RABEPK: variants seen among roughly 807,000 people sequenced by gnomAD.
The protein encoded by RABEPK is Rab9 effector protein with kelch motifs.
Under a neutral mutation model 34.1 loss-of-function variants are expected in RABEPK, and 27 were observed. The observed-to-expected ratio is 0.79, with a 90% CI of 0.58 to 1.09. RABEPK has a LOEUF of 1.09. RABEPK is among the 50% of genes least tolerant of loss of function. The pLI is 0.00. For synonymous variants in RABEPK, 172 were observed against 169.2 expected (o/e 1.02, Z -0.13); for missense variants, 449 against 462.6 (o/e 0.97, Z 0.27).
chr9:125,226,133 G>A (rs1268766645), intron 5 of RABEPK, among the ~76,000 whole-genome samples: 1 of 146,184 alleles, frequency 6.8e-6, no homozygotes, highest in East Asian at 2.0e-4. Context: ...CTGGGTAAGA[G>A]AGTAAGACTT....
chr9:125,219,477 C>T (rs777247502), intron 4 of RABEPK, among the ~76,000 whole-genome samples: 3 of 152,026 alleles, frequency 2.0e-5, no homozygotes, highest in Non-Finnish European at 4.4e-5. Flanking sequence ...TCACTGCATC[C>T]TCCGCCTCCT....
At chr9:125,207,045 C>T (rs1379720414) in intron 2 of RABEPK, among the ~76,000 whole-genome samples, 5 of 150,806 alleles carry the variant, frequency 3.3e-5, no homozygotes, top group African/African-American at 9.8e-5. Flanking sequence ...GCCGAGATCA[C>T]GCCATTGCAC....
intron 6 of RABEPK, among the ~76,000 whole-genome samples, chr9:125,230,963 A>AGGATTT (rs1832130107): frequency 6.6e-6 from 1 of 152,054 alleles, no homozygotes; most frequent in African/African-American, 2.4e-5. Context: ...CTGCCTACCC[A>AGGATTT]AGTAGTTCTC....
intron 4 of RABEPK, among the ~76,000 whole-genome samples, chr9:125,216,790 G>T (rs1424647388): frequency 6.6e-6 from 1 of 151,948 alleles, no homozygotes; most frequent in African/African-American, 2.4e-5. Flanking sequence ...CTGAAAGCCC[G>T]TCTCTACTAA....
At chr9:125,219,913 C>T (rs1172868618) in intron 4 of RABEPK, among the ~76,000 whole-genome samples, 1 of 152,066 alleles carries the variant, frequency 6.6e-6, no homozygotes, top group Admixed American at 6.6e-5. Flanking sequence ...TGAATGTTAG[C>T]AGATGTTAGG....
rs1472636847 is a variant in RABEPK at position 125,202,773 on chromosome 9, T to C, written c.-6-235T>C. The stretch of plus-strand genomic sequence containing the variant: ...TGAACCTGGGAGGCAGAGGTTGCCA[T>C]GAGCTGAGATCTTGCCATTGCACTC... On this transcript the variant is annotated intron_variant, in intron 1 of 7. Coordinates refer to ENST00000373538, the MANE Select transcript of RABEPK (RefSeq NM_005833.4). 4.6e-5 allele frequency among the ~76,000 whole-genome samples: 7 copies of C among 152,226 alleles called. No homozygotes were observed. In the East Asian group the frequency reaches 1.4e-3, roughly 29 times the overall value.
At chr9:125,209,500 C>T (rs1251770516) in intron 3 of RABEPK, among the ~76,000 whole-genome samples, 1 of 152,168 alleles carries the variant, frequency 6.6e-6, no homozygotes, top group African/African-American at 2.4e-5. Context: ...CAGGCGCGTG[C>T]CACCAGCCTG....
chr9:125,224,721 T>A (rs1831614354), intron 5 of RABEPK, among the ~76,000 whole-genome samples: 1 of 152,178 alleles, frequency 6.6e-6, no homozygotes, highest in Non-Finnish European at 1.5e-5. Flanking sequence ...CCCAAAGTGC[T>A]GGGATTACAG....
rs746870481 is a variant in RABEPK at position 125,220,578 on chromosome 9, C to A, written c.404C>A (p.Pro135Gln). The A allele has an allele frequency of 1.9e-6, 3 of 1,614,118 alleles. No homozygotes were observed. Among genetic ancestry groups the A allele is most frequent in the African/African-American group, 1.3e-5 (1 of 75,040 alleles). The change falls in exon 5 of 8, where the codon CCA (proline) becomes CAA (glutamine). Residue 135 changes from proline (P) to glutamine (Q), a missense_variant. Pro to Gln is a moderately conservative substitution (Grantham distance 76, BLOSUM62 -1). Transcript: ENST00000373538. ...ACCACGCCAGAAGTGACCAGCCCCC[C>A]ACCATCCCCAAGAACATTCCACACA... is the stretch of plus-strand genomic sequence containing the variant. ...TWTTPEVTSPPPSPRTFHTSS... is the reference protein window; with the variant it reads ...TWTTPEVTSPQPSPRTFHTSS...
chr9:125,213,540 A>G lies in RABEPK; in HGVS notation c.364+18A>G. On this transcript the variant is annotated intron_variant, in intron 4 of 7. Transcript: ENST00000373538. Reference sequence around the variant, plus strand: ...GAATCCTGGTAAGTAGCCAAAGGTTATTTTATTTACGTACATACAAATAAA... The same window carrying G: ...GAATCCTGGTAAGTAGCCAAAGGTTGTTTTATTTACGTACATACAAATAAA... 1 of 1,608,292 alleles carries G rather than the reference A, an allele frequency of 6.2e-7. No homozygotes were observed. The highest frequency in any genetic ancestry group is 8.5e-7 in the Non-Finnish European group (1 of 1,176,260).
At chr9:125,215,669 C>T (rs1830888755) in intron 4 of RABEPK, among the ~76,000 whole-genome samples, 1 of 152,012 alleles carries the variant, frequency 6.6e-6, no homozygotes, top group South Asian at 2.1e-4. Context: ...TCCATAATAT[C>T]ATAACTTCTC....
At chr9:125,231,770 C>T (rs986638812) in intron 6 of RABEPK, among the ~76,000 whole-genome samples, 3 of 147,198 alleles carry the variant, frequency 2.0e-5, no homozygotes, top group South Asian at 2.1e-4. Context: ...GGCAACAGAG[C>T]GGAAAAAAAA....
chr9:125,206,247 G>A (rs903759249), intron 2 of RABEPK, among the ~76,000 whole-genome samples: 12 of 152,034 alleles, frequency 7.9e-5, no homozygotes, highest in African/African-American at 1.9e-4. Flanking sequence ...TGGTGGGCGC[G>A]TCCCTAGCAC....
intron 3 of RABEPK, among the ~76,000 whole-genome samples, chr9:125,211,947 C>A (rs577254249): frequency 6.7e-6 from 1 of 149,360 alleles, no homozygotes; most frequent in Admixed American, 6.7e-5. Context: ...CCAGCCTGGG[C>A]AACAGAGCAA....
rs760384241 is a variant in RABEPK at position 125,207,630 on chromosome 9, C to T, written c.120C>T (p.Pro40=). The stretch of plus-strand genomic sequence containing the variant: ...TTGGCCACAGCTGTTCATATTTACC[C>T]CCAGTTGGTAATGCCAAGAGAGGGA... The part of the protein sequence containing the change: ...ARVGHSCSYL[P]PVGNAKRGKV... Residue 40 remains proline, a synonymous_variant, in exon 3 of 8, where the codon CCC becomes CCT. Transcript: ENST00000373538. 1 of 1,613,980 alleles carries T rather than the reference C, an allele frequency of 6.2e-7. No homozygotes were observed.
rs543701762 is a variant in RABEPK at position 125,207,584 on chromosome 9, G to A, written c.74G>A (p.Gly25Glu). The change falls in exon 3 of 8, where the codon GGA (glycine) becomes GAA (glutamate). Residue 25 changes from glycine to glutamate, a missense_variant. Gly to Glu is a moderately conservative substitution (Grantham distance 98). Transcript: ENST00000373538. ...KATWYTLTVP[G>E]DSPCARVGHS... is the part of the protein sequence containing the mutation. ...GGCAGGTACACCTTGACTGTCCCTG[G>A]AGACAGCCCCTGTGCTCGAGTTGGC... The A allele has an allele frequency of 3.0e-4, 489 of 1,614,102 alleles. 4 individuals are homozygous for A. In the South Asian group the frequency reaches 4.5e-3, roughly 15 times the overall value.
chr9:125,202,303 C>G (rs1190626471), intron 1 of RABEPK, among the ~76,000 whole-genome samples: 2 of 150,934 alleles, frequency 1.3e-5, no homozygotes, highest in East Asian at 3.9e-4. Context: ...GGCAAATCAC[C>G]TGAGGTCAGG....
At chr9:125,201,006 A>G (rs781484456) in intron 1 of RABEPK, 100 bp downstream of exon 1, 4 of 373,378 alleles carry the variant, frequency 1.1e-5, no homozygotes, top group Non-Finnish European at 1.6e-5. Context: ...AGGTTCTCGG[A>G]ATGGATCTGA....
At chr9:125,202,255 T>G (rs1829956566) in intron 1 of RABEPK, among the ~76,000 whole-genome samples, 1 of 151,554 alleles carries the variant, frequency 6.6e-6, no homozygotes, top group Admixed American at 6.6e-5. Context: ...GCACGGTGGC[T>G]CATGCCTGTA....
Sources: allele counts gnomAD v4.1 joint callset (sites outside exome capture counted in the v4.1 genomes callset), GRCh38; gene constraint gnomAD v4.1.1; transcripts MANE v1.5; gene names NCBI Gene and HGNC (gene_info 2026-07-23, HGNC 2026-07-21).